The following C11orf65 variants were observed in gnomAD, a reference collection of about 807,000 sequenced individuals.
C11orf65 encodes chromosome 11 open reading frame 65.
C11orf65 carries 38 observed loss-of-function variants against 35.3 expected under a neutral mutation model. That is an observed-to-expected ratio of 1.08 (90% CI 0.83 to 1.41). The LOEUF is 1.41. Among genes scored for constraint, C11orf65 ranks in the 40% most tolerant of loss-of-function variants. C11orf65 has a pLI of 0.00. For missense variants in C11orf65, 370 were observed against 367.1 expected, an observed-to-expected ratio of 1.01 and a Z score of -0.06; for synonymous variants, 105 against 114.4, an observed-to-expected ratio of 0.92 and a Z score of 0.53.
chr11:108,395,612 C>A (rs2092289379), intron 6 of C11orf65, among the ~76,000 whole-genome samples: 1 of 149,082 alleles, frequency 6.7e-6, no homozygotes, highest in African/African-American at 2.5e-5. Flanking sequence ...CCACTGCGCC[C>A]AGCCCAAATT....
intron 6 of C11orf65, chr11:108,325,669 A>G (rs2085605317): frequency 1.1e-6 from 1 of 873,446 alleles, no homozygotes; most frequent in Non-Finnish European, 1.7e-6. Context: ...TATATAGTAA[A>G]AATAATTGTT....
intron 2 of C11orf65, among the ~76,000 whole-genome samples, chr11:108,436,261 C>T (rs1181016505): frequency 1.3e-5 from 2 of 152,126 alleles, no homozygotes; most frequent in Non-Finnish European, 2.9e-5. Flanking sequence ...CAGTGAAGCC[C>T]ATTTCAGACT....
chr11:108,432,470 T>C (rs2093003484), intron 2 of C11orf65, among the ~76,000 whole-genome samples: 1 of 152,202 alleles, frequency 6.6e-6, no homozygotes, highest in South Asian at 2.1e-4. Context: ...ACGACTAATA[T>C]TTATTGAGTG....
intron 3 of C11orf65, among the ~76,000 whole-genome samples, chr11:108,425,395 T>C (rs535988342): frequency 6.6e-6 from 1 of 152,278 alleles, no homozygotes; most frequent in Non-Finnish European, 1.5e-5. Flanking sequence ...CTAGAAAATC[T>C]AGAAGAAATG....
At chr11:108,437,787 C>A (rs1228071041) in intron 2 of C11orf65, among the ~76,000 whole-genome samples, 1 of 148,010 alleles carries the variant, frequency 6.8e-6, no homozygotes, top group Admixed American at 6.7e-5. Flanking sequence ...AGATTGGAAG[C>A]CTTAGTATTG....
intron 2 of C11orf65, among the ~76,000 whole-genome samples, chr11:108,362,500 G>C (rs1004864526): frequency 1.3e-5 from 2 of 149,222 alleles, no homozygotes; most frequent in Non-Finnish European, 3.0e-5. Context: ...ACATGCACAC[G>C]TATGTTTATT....
intron 2 of C11orf65, among the ~76,000 whole-genome samples, chr11:108,433,946 G>T (rs1018584216): frequency 5.9e-5 from 9 of 152,174 alleles, no homozygotes; most frequent in Non-Finnish European, 1.2e-4. Context: ...TTGACTGGAT[G>T]GTCAGGGATT....
In C11orf65 at chr11:108,383,145, A is replaced by G; in HGVS notation, c.818T>C (p.Ile273Thr). 1.9e-6 allele frequency: 3 copies of G among 1,604,298 alleles called. No individual in the cohort carries two copies. The highest frequency in any genetic ancestry group is 2.5e-6 in the Non-Finnish European group (3 of 1,177,264). The stretch of plus-strand genomic sequence containing the variant: ...TGATATGTCTCCTCCATAGTTATAT[A>G]TGTTTTTCTGTGCTTGATTAAACCT... ...GFRFNQAQKN[I>T]YNYGGDISKM... Residue 273 changes from isoleucine (I) to threonine (T), a missense_variant, in exon 9 of 9, where the codon ATA becomes ACA. Coordinates refer to ENST00000393084, the MANE Select transcript of C11orf65 (RefSeq NM_152587.5).
At chr11:108,363,885 G>C (rs1386134637) in intron 2 of C11orf65, among the ~76,000 whole-genome samples, 3 of 152,006 alleles carry the variant, frequency 2.0e-5, no homozygotes, top group African/African-American at 7.2e-5. Context: ...CTGTATTAGA[G>C]GCCTTCATTC....
intron 2 of C11orf65, among the ~76,000 whole-genome samples, chr11:108,433,740 C>T (rs2093025999): frequency 6.7e-6 from 1 of 148,722 alleles, no homozygotes; most frequent in African/African-American, 2.4e-5. Context: ...TAGGCTTGGC[C>T]CCTAAGGGGG....
chr11:108,317,689 T>G (rs2084863966), intron 6 of C11orf65, among the ~76,000 whole-genome samples: 1 of 138,798 alleles, frequency 7.2e-6, no homozygotes. Flanking sequence ...TATATATACA[T>G]ACCATATATA....
intron 2 of C11orf65, chr11:108,355,527 G>A (rs941596548): frequency 6.5e-6 from 1 of 153,494 alleles, no homozygotes; most frequent in African/African-American, 2.4e-5. Context: ...TCTGGTAAGG[G>A]TATGTGAGAC....
At chr11:108,413,160 C>T (rs916351535) in intron 3 of C11orf65, among the ~76,000 whole-genome samples, 15 of 152,190 alleles carry the variant, frequency 9.9e-5, no homozygotes, top group African/African-American at 3.6e-4. Context: ...AGACAGACCA[C>T]GTTCTGGGCC....
chr11:108,446,002 C>A (rs2093250399), intron 2 of C11orf65, among the ~76,000 whole-genome samples: 1 of 151,988 alleles, frequency 6.6e-6, no homozygotes. Flanking sequence ...CCGACGCGAT[C>A]AACTGGAAGA....
chr11:108,329,453 C>A, downstream of C11orf65: 1 of 559,988 alleles, frequency 1.8e-6, no homozygotes, highest in Non-Finnish European at 3.2e-6. Flanking sequence ...GTCACCCAGG[C>A]TGGAGTACAG....
chr11:108,424,666 T>G (rs139599686), intron 3 of C11orf65, among the ~76,000 whole-genome samples: 1 of 152,150 alleles, frequency 6.6e-6, no homozygotes, highest in South Asian at 2.1e-4. Flanking sequence ...GCAGACCTAA[T>G]AGACATCTAC....
intron 2 of C11orf65, among the ~76,000 whole-genome samples, chr11:108,361,578 T>C (rs955443377): frequency 2.0e-5 from 3 of 151,902 alleles, no homozygotes; most frequent in South Asian, 2.1e-4. Flanking sequence ...CAAAACAACA[T>C]GGTACTGGTA....
At chr11:108,308,535 G>C (rs1565487259) in exon 7 of C11orf65, 1 of 188,124 alleles carries the variant, frequency 5.3e-6, no homozygotes, top group Non-Finnish European at 1.1e-5. Context: ...ATTTTTAACA[G>C]TGCATACAGA....
intron 2 of C11orf65, among the ~76,000 whole-genome samples, chr11:108,373,886 C>T (rs561804183): frequency 1.4e-3 from 206 of 152,342 alleles, no homozygotes; most frequent in South Asian, 6.8e-3. Flanking sequence ...CCGCACCTGG[C>T]TTGGAGGGTC....
Sources: allele counts gnomAD v4.1 joint callset (sites outside exome capture counted in the v4.1 genomes callset), GRCh38; gene constraint gnomAD v4.1.1; transcripts MANE v1.5; gene names NCBI Gene and HGNC (gene_info 2026-07-23, HGNC 2026-07-21).